The following CNTNAP2 variants were observed in gnomAD, a reference collection of about 807,000 sequenced individuals.
CNTNAP2 encodes the protein contactin-associated protein-like 2.
CNTNAP2 carries 98 observed loss-of-function variants against 155.2 expected under a neutral mutation model. The observed-to-expected ratio is 0.63, with a 90% confidence interval of 0.54 to 0.75. The LOEUF (loss-of-function observed/expected upper bound fraction) is 0.75, where lower values mean the gene tolerates loss of function less well. CNTNAP2 is among the 30% of genes least tolerant of loss of function. CNTNAP2 has a pLI of 0.00. For missense variants in CNTNAP2, 1,727 were observed against 1,688.1 expected (o/e 1.02, Z -0.40); for synonymous variants, 651 against 631.2 (o/e 1.03, Z -0.47).
At chr7:147,272,264 C>T (rs1468007656) in intron 8 of CNTNAP2, among the ~76,000 whole-genome samples, 17 of 152,182 alleles carry the variant, frequency 1.1e-4, no homozygotes, top group Admixed American at 1.1e-3. Flanking sequence ...TACTCATCCT[C>T]TCTTCTGACA....
At chr7:146,894,125 C>G (rs1795831138) in intron 3 of CNTNAP2, among the ~76,000 whole-genome samples, 2 of 152,152 alleles carry the variant, frequency 1.3e-5, no homozygotes, top group Non-Finnish European at 2.9e-5. Context: ...CTGGCCATTT[C>G]CTACCATACA....
chr7:147,232,831 C>G (rs761335669), intron 8 of CNTNAP2, among the ~76,000 whole-genome samples: 1 of 152,122 alleles, frequency 6.6e-6, no homozygotes, highest in Non-Finnish European at 1.5e-5. Context: ...ATTGAAACCA[C>G]CATTTCAGGG....
intron 17 of CNTNAP2, among the ~76,000 whole-genome samples, chr7:148,161,566 C>A (rs989280463): frequency 6.6e-6 from 1 of 152,116 alleles, no homozygotes; most frequent in Non-Finnish European, 1.5e-5. Context: ...CACACAACTT[C>A]AGAGTACCTC....
chr7:148,023,973 T>C (rs1802330490), intron 15 of CNTNAP2, among the ~76,000 whole-genome samples: 1 of 152,120 alleles, frequency 6.6e-6, no homozygotes, highest in African/African-American at 2.4e-5. Flanking sequence ...GTTACAGAAC[T>C]GAAAGATCTT....
intron 4 of CNTNAP2, among the ~76,000 whole-genome samples, chr7:147,047,064 GGTGA>G (rs1185524642): frequency 6.8e-6 from 1 of 146,374 alleles, no homozygotes; most frequent in Non-Finnish European, 1.5e-5. Context: ...TAGCCATTCT[GGTGA>G]GTGTTTGTCA....
chr7:146,189,838 G>C (rs1434578301), intron 1 of CNTNAP2, among the ~76,000 whole-genome samples: 2 of 152,090 alleles, frequency 1.3e-5, no homozygotes, highest in African/African-American at 4.8e-5. Flanking sequence ...CACTTCAATT[G>C]AAAGTAACTT....
intron 1 of CNTNAP2, among the ~76,000 whole-genome samples, chr7:146,461,412 A>T (rs958180757): frequency 3.4e-5 from 5 of 148,756 alleles, no homozygotes; most frequent in African/African-American, 1.3e-4. Context: ...CTCAAAAAAA[A>T]AAAATATAAT....
chr7:146,136,289 T>C (rs1298628714), intron 1 of CNTNAP2, among the ~76,000 whole-genome samples: 1 of 152,194 alleles, frequency 6.6e-6, no homozygotes, highest in African/African-American at 2.4e-5. Flanking sequence ...AGTCTTGTTA[T>C]CCTTTCATAA....
At position 148,153,835 on chromosome 7, in the gene CNTNAP2, G is replaced by T. The variant is rs6961110; in HGVS notation, c.2773+6126G>T. On this transcript the variant is annotated intron_variant, in intron 17 of 23. Transcript: ENST00000361727. Reference sequence around the variant, plus strand: ...GGAGCTGGCAAGCAAACACCACTGCGGGGAGCCAAGCAGGCTGTTCAGGTC... The same window carrying T: ...GGAGCTGGCAAGCAAACACCACTGCTGGGAGCCAAGCAGGCTGTTCAGGTC... Among the ~76,000 whole-genome samples the T allele has an allele frequency of 8.2e-3, 1,245 of 152,314 alleles. 19 individuals are homozygous for T. Among genetic ancestry groups the T allele is most frequent in the African/African-American group, 0.028 (1,161 of 41,562 alleles).
intron 1 of CNTNAP2, among the ~76,000 whole-genome samples, chr7:146,682,737 T>C (rs1453603538): frequency 6.6e-6 from 1 of 152,180 alleles, no homozygotes; most frequent in Non-Finnish European, 1.5e-5. Context: ...CAACAGACAT[T>C]TCAGGGCAAA....
chr7:148,173,754 C>T (rs1794878135), intron 18 of CNTNAP2, among the ~76,000 whole-genome samples: 1 of 152,198 alleles, frequency 6.6e-6, no homozygotes, highest in Non-Finnish European at 1.5e-5. Context: ...TAATTTTGCA[C>T]TTGTAGAAAT....
chr7:147,795,748 A>C (rs1368905926), intron 13 of CNTNAP2, among the ~76,000 whole-genome samples: 1 of 152,108 alleles, frequency 6.6e-6, no homozygotes, highest in Non-Finnish European at 1.5e-5. Flanking sequence ...TCTGTTATTA[A>C]CTAGTTGAAT....
chr7:147,176,791 A>C, intron 8 of CNTNAP2, among the ~76,000 whole-genome samples: 1 of 124,502 alleles, frequency 8.0e-6, no homozygotes, highest in Admixed American at 9.5e-5. Flanking sequence ...AATTATAATT[A>C]TATATTATAA....
rs186752367 is a variant in CNTNAP2 at position 148,119,848 on chromosome 7, G to A, written c.2554+1560G>A. Among the ~76,000 whole-genome samples, 14 of 152,058 alleles carry A rather than the reference G, an allele frequency of 9.2e-5. No individual in the cohort carries two copies. In the East Asian group the frequency reaches 2.1e-3, roughly 23 times the overall value. On this transcript the variant is annotated intron_variant, in intron 16 of 23. Coordinates refer to ENST00000361727, the MANE Select transcript of CNTNAP2 (RefSeq NM_014141.6). ...ATTATCATCTTCTGAGGATGCCCATGGCAGATCTGATCTGAGCCAGGTCTG... is the reference window on the plus strand; with the variant it reads ...ATTATCATCTTCTGAGGATGCCCATAGCAGATCTGATCTGAGCCAGGTCTG...
rs140376512 is a variant in CNTNAP2 at position 147,870,535 on chromosome 7, T to C, written c.2099-33030T>C. On this transcript the variant is annotated intron_variant, in intron 13 of 23. Transcript: ENST00000361727. ...GCACCAGGAAGTTGAGAGGCCATGT[T>C]ACTGGTCCCACAGCTGAGATCTCAA... Among the ~76,000 whole-genome samples, 10 of 152,294 alleles carry C rather than the reference T, an allele frequency of 6.6e-5. No homozygotes were observed. The East Asian group carries it at 1.9e-3, about 29-fold the overall frequency.
At chr7:148,178,889 C>A (rs140804951) in intron 18 of CNTNAP2, among the ~76,000 whole-genome samples, 72 of 152,300 alleles carry the variant, frequency 4.7e-4, no homozygotes, top group Non-Finnish European at 8.1e-4. Flanking sequence ...TCCCTAATAG[C>A]TTTAAATGTC....
chr7:148,058,429 C>T (rs970319009), intron 15 of CNTNAP2, among the ~76,000 whole-genome samples: 3 of 152,162 alleles, frequency 2.0e-5, no homozygotes, highest in African/African-American at 7.2e-5. Context: ...TGGGAATGTC[C>T]TGGGTGGCTT....
At chr7:147,506,453 C>A (rs1322961125) in intron 11 of CNTNAP2, among the ~76,000 whole-genome samples, 1 of 152,078 alleles carries the variant, frequency 6.6e-6, no homozygotes, top group Non-Finnish European at 1.5e-5. Context: ...CAAGGTTTCT[C>A]CATGTTGGTC....
intron 4 of CNTNAP2, among the ~76,000 whole-genome samples, chr7:147,080,724 A>T (rs919048786): frequency 5.4e-5 from 8 of 148,680 alleles, no homozygotes; most frequent in African/African-American, 2.0e-4. Context: ...TATATATATA[A>T]AACTTTGTGT....
Sources: allele counts gnomAD v4.1 joint callset (sites outside exome capture counted in the v4.1 genomes callset), GRCh38; gene constraint gnomAD v4.1.1; transcripts MANE v1.5; gene names NCBI Gene and HGNC (gene_info 2026-07-23, HGNC 2026-07-21).